Variants in AOAH observed in about 807,000 individuals in gnomAD.
AOAH encodes the protein acyloxyacyl hydrolase.
A neutral mutation model predicts 92.2 loss-of-function variants in AOAH; 64 were observed. The observed-to-expected ratio is 0.69, with a 90% CI of 0.57 to 0.86. AOAH has a LOEUF of 0.86. Among genes scored for constraint, AOAH ranks in the 40% least tolerant of loss-of-function variants. The pLI is 0.00. For missense variants in AOAH, 656 were observed against 694.6 expected (o/e 0.94, Z 0.62); for synonymous variants, 263 against 254.5 (o/e 1.03, Z -0.32).
At chr7:36,665,883 A>T (rs1398082936) in intron 3 of AOAH, among the ~76,000 whole-genome samples, 2 of 152,126 alleles carry the variant, frequency 1.3e-5, no homozygotes, top group Non-Finnish European at 2.9e-5. Flanking sequence ...CCAGTCTTGT[A>T]TATTTAGGAT....
chr7:36,714,561 C>A (rs7803793), intron 1 of AOAH, among the ~76,000 whole-genome samples: 3 of 151,890 alleles, frequency 2.0e-5, no homozygotes, highest in Admixed American at 1.3e-4. Flanking sequence ...TGATGAACAT[C>A]GATGCAAAAA....
intron 2 of AOAH, among the ~76,000 whole-genome samples, 175 bp from the exon 3 acceptor site, chr7:36,674,184 T>G (rs1369303126): frequency 6.6e-6 from 1 of 152,208 alleles, no homozygotes; most frequent in African/African-American, 2.4e-5. Flanking sequence ...ATCACTTCTA[T>G]CTCAGGTTTA....
At chr7:36,695,258 T>C (rs1797642592) in intron 1 of AOAH, among the ~76,000 whole-genome samples, 1 of 152,196 alleles carries the variant, frequency 6.6e-6, no homozygotes, top group Non-Finnish European at 1.5e-5. Context: ...AAAGTACTCT[T>C]CTATATCCAA....
At chr7:36,680,863 G>A (rs752369381) in intron 2 of AOAH, among the ~76,000 whole-genome samples, 7 of 152,108 alleles carry the variant, frequency 4.6e-5, no homozygotes, top group African/African-American at 9.7e-5. Context: ...GTGAGATACC[G>A]GTTTCCACTT....
At chr7:36,665,979 A>C (rs1795512279) in intron 3 of AOAH, among the ~76,000 whole-genome samples, 1 of 152,038 alleles carries the variant, frequency 6.6e-6, no homozygotes, top group African/African-American at 2.4e-5. Flanking sequence ...TCCAATCTAT[A>C]TTCATGAGAG....
chr7:36,703,999 A>G (rs1014614860), intron 1 of AOAH, among the ~76,000 whole-genome samples: 15 of 152,164 alleles, frequency 9.9e-5, no homozygotes, highest in African/African-American at 3.4e-4. Context: ...AATGATCACC[A>G]TTCTAACTGG....
At chr7:36,515,476 AC>A (rs140000999) in intron 20 of AOAH, among the ~76,000 whole-genome samples, 5,896 of 72,362 alleles carry the variant, frequency 0.081, 451 homozygotes, top group African/African-American at 0.16. Context: ...ACCCCTCACA[AC>A]CCCACACCAC....
chr7:36,702,215 A>T (rs962401406), intron 1 of AOAH, among the ~76,000 whole-genome samples: 11 of 152,168 alleles, frequency 7.2e-5, no homozygotes, highest in African/African-American at 2.7e-4. Flanking sequence ...ATACATATAT[A>T]CTGTTATTTT....
intron 16 of AOAH, among the ~76,000 whole-genome samples, chr7:36,535,052 G>C (rs112062641): frequency 1.4e-4 from 8 of 56,120 alleles, no homozygotes; most frequent in South Asian, 6.9e-4. Flanking sequence ...GTGTGTATGT[G>C]TCTGTGTGTG....
chr7:36,663,598 T>C (rs1338386244), intron 3 of AOAH, among the ~76,000 whole-genome samples: 1 of 152,212 alleles, frequency 6.6e-6, no homozygotes, highest in Non-Finnish European at 1.5e-5. Context: ...TTTTTCTCAC[T>C]TAGTAACACG....
intron 3 of AOAH, among the ~76,000 whole-genome samples, chr7:36,669,627 C>T (rs1584076157): frequency 6.6e-6 from 1 of 152,250 alleles, no homozygotes; most frequent in East Asian, 1.9e-4. Context: ...AAGTGATCCA[C>T]CCGCCTCAGC....
chr7:36,605,454 A>G (rs1486240106), intron 11 of AOAH, among the ~76,000 whole-genome samples: 3 of 152,192 alleles, frequency 2.0e-5, no homozygotes, highest in Non-Finnish European at 4.4e-5. Context: ...ACCAGGGGAC[A>G]AGAGATTGTC....
intron 1 of AOAH, among the ~76,000 whole-genome samples, chr7:36,713,295 G>A (rs1482523763): frequency 8.2e-6 from 1 of 122,208 alleles, no homozygotes; most frequent in Non-Finnish European, 1.8e-5. Context: ...AAATATATAT[G>A]CACCCAATAC....
chr7:36,696,588 G>A (rs1344825394), intron 1 of AOAH, among the ~76,000 whole-genome samples: 3 of 152,086 alleles, frequency 2.0e-5, no homozygotes, highest in Non-Finnish European at 4.4e-5. Context: ...CAAGCCAGGC[G>A]CATTGGCTCA....
intron 9 of AOAH, 65 bp from the exon 10 acceptor site, chr7:36,618,410 C>T: frequency 6.8e-7 from 1 of 1,474,878 alleles, no homozygotes; most frequent in Non-Finnish European, 9.5e-7. Flanking sequence ...TATACTAAAG[C>T]TCTCCTAAAT....
chr7:36,523,092 C>T (rs1430496583), intron 19 of AOAH, among the ~76,000 whole-genome samples: 3 of 152,176 alleles, frequency 2.0e-5, no homozygotes, highest in African/African-American at 7.2e-5. Context: ...ACTACTCAAC[C>T]TCCATTCCCC....
chr7:36,549,366 G>T (rs1828824264), intron 14 of AOAH, 73 bp downstream of exon 14: 4 of 1,118,986 alleles, frequency 3.6e-6, no homozygotes, highest in South Asian at 1.3e-5. Context: ...TGATTATGGG[G>T]TAATAACAGA....
chr7:36,670,847 T>A (rs1430982781), intron 3 of AOAH, among the ~76,000 whole-genome samples: 2 of 65,056 alleles, frequency 3.1e-5, no homozygotes, highest in East Asian at 1.8e-3. Context: ...ACAGTTTGCA[T>A]CTGCAGTGAT....
chr7:36,706,451 A>C (rs1472799583), intron 1 of AOAH, among the ~76,000 whole-genome samples: 1 of 152,136 alleles, frequency 6.6e-6, no homozygotes, highest in Non-Finnish European at 1.5e-5. Flanking sequence ...GAGTACAAGC[A>C]GAGTAGATTT....
Sources: gnomAD v4.1 joint callset for allele counts (sites outside exome capture counted in the v4.1 genomes callset) on GRCh38, gnomAD v4.1.1 for gene constraint, MANE v1.5 for transcripts, NCBI Gene and HGNC (gene_info 2026-07-23, HGNC 2026-07-21) for gene names.